R3HDM1: variants seen among roughly 807,000 people sequenced by gnomAD.
R3HDM1 encodes R3H domain containing 1.
R3HDM1 carries 46 observed loss-of-function variants against 141.1 expected under a neutral mutation model. The observed-to-expected ratio is 0.33, with a 90% CI of 0.26 to 0.42. The LOEUF (loss-of-function observed/expected upper bound fraction) is 0.42. Ranked by LOEUF, R3HDM1 falls within the 10% of genes least tolerant of loss-of-function variation. The pLI is 1.00. For synonymous variants in R3HDM1, 435 were observed against 472.9 expected, an observed-to-expected ratio of 0.92 and a Z score of 1.04; for missense variants, 1,184 against 1,368.3, an observed-to-expected ratio of 0.87 and a Z score of 2.12.
rs1388312776 is a variant in R3HDM1, at chr2:135,650,650, C to T, written c.1725+647C>T. ...ACAGTTCATAGGTACATTTTTTTTC[C>T]TTTTGACACCATTCACTGAATTAGG... On this transcript the variant is annotated intron_variant, in intron 17 of 26. Transcript: ENST00000683871. The T allele has an allele frequency of 1.5e-5, 15 of 983,558 alleles. No individual in the cohort carries two copies. In the African/African-American group the frequency reaches 2.5e-4, roughly 16 times the overall value. The allele number at this position is 983,558 out of a possible 1,614,324, so 60.9% of individuals were successfully genotyped here.
At chr2:135,651,664 T>G (rs1055016576) in intron 17 of R3HDM1, 66 bp from the exon 18 acceptor site, 2 of 1,500,228 alleles carry the variant, frequency 1.3e-6, no homozygotes, top group Non-Finnish European at 1.8e-6. Flanking sequence ...ATAGGAAGTA[T>G]TTTTCTTTGA....
intron 9 of R3HDM1, among the ~76,000 whole-genome samples, chr2:135,633,040 G>A (rs2062873470): frequency 6.6e-6 from 1 of 152,070 alleles, no homozygotes; most frequent in Admixed American, 6.5e-5. Flanking sequence ...AAATACTTTA[G>A]TATTTTTAAA....
chr2:135,706,194 C>T (rs1157668555), intron 21 of R3HDM1, among the ~76,000 whole-genome samples: 1 of 151,768 alleles, frequency 6.6e-6, no homozygotes. Context: ...CATCAATCTC[C>T]AGTGATCTTG....
chr2:135,655,668 G>A (rs548247067), intron 18 of R3HDM1, among the ~76,000 whole-genome samples: 9 of 151,878 alleles, frequency 5.9e-5, no homozygotes, highest in Admixed American at 2.0e-4. Flanking sequence ...CACCACGCCC[G>A]GCTAATTTTT....
At chr2:135,536,804 C>T (rs1016500268) in intron 1 of R3HDM1, 1 of 753,486 alleles carries the variant, frequency 1.3e-6, no homozygotes, top group African/African-American at 1.9e-5. Context: ...CGGTGAACAT[C>T]ACCACCTGAG....
intron 4 of R3HDM1, 137 bp downstream of exon 4, chr2:135,616,330 T>C: frequency 1.1e-6 from 1 of 906,582 alleles, no homozygotes; most frequent in Non-Finnish European, 1.6e-6. Context: ...TTTGTTTTAT[T>C]TGGGATTTTT....
intron 3 of R3HDM1, among the ~76,000 whole-genome samples, chr2:135,610,515 C>T (rs1307723587): frequency 6.6e-6 from 1 of 152,176 alleles, no homozygotes; most frequent in Non-Finnish European, 1.5e-5. Context: ...AGATGAGACT[C>T]TTATGTCTTG....
At chr2:135,689,222 C>G (rs2071912414) in intron 21 of R3HDM1, among the ~76,000 whole-genome samples, 1 of 152,172 alleles carries the variant, frequency 6.6e-6, no homozygotes, top group Non-Finnish European at 1.5e-5. Context: ...CAGCTGTCCA[C>G]AAGTAGCTAT....
At chr2:135,718,405 G>A (rs1191090885) in intron 24 of R3HDM1, among the ~76,000 whole-genome samples, 1 of 152,146 alleles carries the variant, frequency 6.6e-6, no homozygotes, top group Non-Finnish European at 1.5e-5. Context: ...GCCCACACAT[G>A]TAGAAGACTG....
intron 1 of R3HDM1, among the ~76,000 whole-genome samples, chr2:135,564,971 T>G (rs950546323): frequency 6.6e-6 from 1 of 152,228 alleles, no homozygotes; most frequent in Non-Finnish European, 1.5e-5. Flanking sequence ...GTCTGCTTTT[T>G]TGTTTCACCT....
chr2:135,561,506 C>T (rs1416307879), intron 1 of R3HDM1, among the ~76,000 whole-genome samples: 1 of 152,114 alleles, frequency 6.6e-6, no homozygotes. Context: ...CACTTGAGCA[C>T]AGGAGTTCAT....
chr2:135,585,468 A>G (rs1707681077), intron 1 of R3HDM1, among the ~76,000 whole-genome samples: 1 of 152,164 alleles, frequency 6.6e-6, no homozygotes, highest in South Asian at 2.1e-4. Context: ...TCCTTACAAC[A>G]TTCCTGTATG....
intron 1 of R3HDM1, chr2:135,566,585 T>C (rs1415457726): frequency 1.2e-5 from 2 of 171,224 alleles, no homozygotes; most frequent in African/African-American, 4.8e-5. Flanking sequence ...ATTATTAATT[T>C]ACTGTGAAAG....
chr2:135,551,864 T>C (rs959747206), intron 1 of R3HDM1, among the ~76,000 whole-genome samples: 2 of 152,218 alleles, frequency 1.3e-5, no homozygotes, highest in African/African-American at 4.8e-5. Context: ...AGCTTCAGAT[T>C]TTAACTCAGT....
chr2:135,675,274 T>TA (rs1345061419), intron 19 of R3HDM1, 58 bp from the exon 20 acceptor site: 1 of 1,476,414 alleles, frequency 6.8e-7, no homozygotes, highest in African/African-American at 1.4e-5. Flanking sequence ...AATTTTTTTT[T>TA]AAATCTTACT....
chr2:135,710,175 G>C lies in R3HDM1; in HGVS notation c.2680G>C (p.Asp894His). 6.2e-7 allele frequency: 1 copy of C among 1,614,140 alleles called. No individual in the cohort carries two copies. Among genetic ancestry groups the C allele is most frequent in the Non-Finnish European group, 8.5e-7 (1 of 1,179,984 alleles). ...PQWKQNKYYCDHQRGQKCVEF... is the reference protein window; with the variant it reads ...PQWKQNKYYCHHQRGQKCVEF... ...GTGGAAACAAAACAAATATTACTGT[G>C]ATCACCAGAGAGGACAGAAGTGTGT... Residue 894 changes from aspartate to histidine, a missense_variant, in exon 23 of 27, where the codon GAT becomes CAT. Coordinates refer to ENST00000683871, the MANE Select transcript of R3HDM1 (RefSeq NM_001378107.1).
At chr2:135,722,091 G>A (rs1553642559) in intron 25 of R3HDM1, 85 bp downstream of exon 25, 2 of 1,308,980 alleles carry the variant, frequency 1.5e-6, no homozygotes, top group East Asian at 2.3e-5. Flanking sequence ...GAGCCCACCT[G>A]TTGGCACTGC....
chr2:135,559,561 G>C (rs966745565), intron 1 of R3HDM1, among the ~76,000 whole-genome samples: 1 of 152,068 alleles, frequency 6.6e-6, no homozygotes, highest in African/African-American at 2.4e-5. Context: ...ATCAACCCTT[G>C]GCTAGAAGTA....
At chr2:135,586,426 T>G (rs1707929472) in intron 1 of R3HDM1, 1 of 153,142 alleles carries the variant, frequency 6.5e-6, no homozygotes. Context: ...AGAGGAGCAA[T>G]GCAGAGCATC....
Sources: gnomAD v4.1 joint callset for allele counts (sites outside exome capture counted in the v4.1 genomes callset) on GRCh38, gnomAD v4.1.1 for gene constraint, MANE v1.5 for transcripts, NCBI Gene and HGNC (gene_info 2026-07-23, HGNC 2026-07-21) for gene names.